TAFA2: variants seen among roughly 807,000 people sequenced by gnomAD.
The protein encoded by TAFA2 is chemokine-like protein TAFA-2.
Under a neutral mutation model 18.8 loss-of-function variants are expected in TAFA2, and 7 were observed. The ratio of observed to expected loss-of-function variants is 0.37; its 90% confidence interval spans 0.21 to 0.70. The LOEUF is 0.70. TAFA2 is among the 30% of genes least tolerant of loss of function. TAFA2 has a pLI of 0.53. For missense variants in TAFA2, 122 were observed against 158.1 expected (o/e 0.77, Z 1.23); for synonymous variants, 60 against 54.2 (o/e 1.11, Z -0.47).
chr12:62,021,817 C>T (rs947656105), intron 1 of TAFA2: 22 of 849,950 alleles, frequency 2.6e-5, no homozygotes, highest in Middle Eastern at 3.2e-4. Context: ...ACACGGTCTC[C>T]GCTGTGGATC....
rs1335992635 is a variant in TAFA2, at chr12:62,098,797, A to G, written c.-2+92462T>C. ...AGAGACTTAAAGATATTAAAATTGA[A>G]ATTGAATAAAAATATGAATTCATAT... On this transcript the variant is annotated intron_variant, in intron 1 of 4. Transcript: ENST00000416284. Among the ~76,000 whole-genome samples the G allele has an allele frequency of 4.6e-5, 7 of 152,308 alleles. No individual in the cohort carries two copies. In the East Asian group the frequency reaches 1.4e-3, roughly 29 times the overall value.
chr12:62,029,049 G>A (rs1020518576), intron 1 of TAFA2, among the ~76,000 whole-genome samples: 4 of 152,048 alleles, frequency 2.6e-5, no homozygotes, highest in Non-Finnish European at 4.4e-5. Flanking sequence ...TTTTTTAACT[G>A]AATAATATGT....
chr12:61,921,212 C>G (rs532743992), intron 1 of TAFA2, among the ~76,000 whole-genome samples: 3 of 152,308 alleles, frequency 2.0e-5, no homozygotes, highest in Admixed American at 2.0e-4. Flanking sequence ...ATTAATCATC[C>G]TGCCAGGTAC....
At chr12:62,086,154 C>G (rs562376335) in intron 1 of TAFA2, among the ~76,000 whole-genome samples, 1 of 150,492 alleles carries the variant, frequency 6.6e-6, no homozygotes, top group Admixed American at 6.6e-5. Context: ...TGAGAACGGA[C>G]TAAGACAGTC....
intron 1 of TAFA2, among the ~76,000 whole-genome samples, chr12:61,893,505 G>A (rs1875719201): frequency 6.6e-6 from 1 of 152,178 alleles, no homozygotes; most frequent in East Asian, 1.9e-4. Context: ...GGGTGAAGTG[G>A]AAGATTCAGG....
intron 2 of TAFA2, among the ~76,000 whole-genome samples, chr12:61,791,130 G>T (rs1870959585): frequency 6.6e-6 from 1 of 151,894 alleles, no homozygotes; most frequent in Non-Finnish European, 1.5e-5. Flanking sequence ...AATAGATGGT[G>T]CTGGGTAATT....
At chr12:61,961,641 T>C (rs1232994984) in intron 1 of TAFA2, among the ~76,000 whole-genome samples, 3 of 151,942 alleles carry the variant, frequency 2.0e-5, no homozygotes, top group African/African-American at 7.2e-5. Flanking sequence ...AAAAACTAAA[T>C]AGCCGAACAG....
intron 2 of TAFA2, among the ~76,000 whole-genome samples, chr12:61,826,485 G>C (rs1488713124): frequency 2.0e-5 from 3 of 151,920 alleles, no homozygotes; most frequent in Non-Finnish European, 4.4e-5. Flanking sequence ...AAAAACTGTT[G>C]AAATAAAAGA....
At chr12:62,244,237 C>CTTTTT (rs35569192) in intron 1 of TAFA2, among the ~76,000 whole-genome samples, 15 of 134,268 alleles carry the variant, frequency 1.1e-4, no homozygotes, top group African/African-American at 3.0e-4. Context: ...TTTCTTTTGT[C>CTTTTT]TTTTTTTTTT....
At chr12:61,806,216 T>C (rs1487821439) in intron 2 of TAFA2, among the ~76,000 whole-genome samples, 2 of 152,164 alleles carry the variant, frequency 1.3e-5, no homozygotes, top group African/African-American at 2.4e-5. Context: ...AATTCCCAGG[T>C]GTTGTGGGAG....
chr12:61,750,816 A>G (rs975054738), intron 4 of TAFA2, among the ~76,000 whole-genome samples: 2 of 152,250 alleles, frequency 1.3e-5, no homozygotes, highest in Non-Finnish European at 2.9e-5. Context: ...TGATAATCCC[A>G]TAAGACCAAC....
intron 1 of TAFA2, among the ~76,000 whole-genome samples, chr12:61,985,856 A>T (rs1008670862): frequency 6.6e-6 from 1 of 152,168 alleles, no homozygotes; most frequent in African/African-American, 2.4e-5. Flanking sequence ...TGATTGCTAT[A>T]TTTAGATGTG....
intron 1 of TAFA2, among the ~76,000 whole-genome samples, chr12:62,233,068 T>C (rs866238492): frequency 2.5e-4 from 16 of 64,584 alleles, no homozygotes; most frequent in African/African-American, 4.8e-4. Flanking sequence ...CTGCATCTCT[T>C]TTTTTTTTTT....
chr12:62,007,944 A>G (rs1880612291), intron 1 of TAFA2, among the ~76,000 whole-genome samples: 1 of 149,534 alleles, frequency 6.7e-6, no homozygotes, highest in Admixed American at 6.7e-5. Context: ...ATTCCTCCTA[A>G]TTGGAATTTT....
At chr12:62,215,587 A>G (rs1293975532) in intron 1 of TAFA2, among the ~76,000 whole-genome samples, 2 of 150,488 alleles carry the variant, frequency 1.3e-5, no homozygotes, top group Non-Finnish European at 1.5e-5. Flanking sequence ...AAAGGGGCGG[A>G]AGAACTTGTT....
chr12:62,109,963 C>G (rs957836503), intron 1 of TAFA2, among the ~76,000 whole-genome samples: 23 of 152,216 alleles, frequency 1.5e-4, no homozygotes, highest in Middle Eastern at 3.4e-3. Flanking sequence ...ATTTGAATAC[C>G]CTTTATTTCT....
At chr12:62,046,036 C>A (rs1036185061) in intron 1 of TAFA2, among the ~76,000 whole-genome samples, 1 of 152,108 alleles carries the variant, frequency 6.6e-6, no homozygotes, top group African/African-American at 2.4e-5. Context: ...AGGAGGAAAA[C>A]TAGCTAGAGA....
intron 1 of TAFA2, among the ~76,000 whole-genome samples, chr12:61,900,279 A>G (rs959729198): frequency 3.3e-5 from 5 of 152,184 alleles, no homozygotes; most frequent in Admixed American, 1.3e-4. Flanking sequence ...AGATAAGCCT[A>G]AATAGTTTTC....
intron 2 of TAFA2, among the ~76,000 whole-genome samples, chr12:61,756,662 A>C (rs1401956385): frequency 6.6e-6 from 1 of 152,116 alleles, no homozygotes; most frequent in Admixed American, 6.6e-5. Context: ...TAATTAAGGC[A>C]ATGTTAGATT....
Sources: allele counts gnomAD v4.1 joint callset (sites outside exome capture counted in the v4.1 genomes callset), GRCh38; gene constraint gnomAD v4.1.1; transcripts MANE v1.5; gene names NCBI Gene and HGNC (gene_info 2026-07-23, HGNC 2026-07-21).